Variants in TMEM132C observed in about 807,000 individuals in gnomAD.
The protein encoded by TMEM132C is protein phosphatase 1, regulatory subunit 152.
Under a neutral mutation model 61.4 loss-of-function variants are expected in TMEM132C, and 29 were observed. The ratio of observed to expected loss-of-function variants is 0.47; its 90% CI spans 0.35 to 0.64. The LOEUF (loss-of-function observed/expected upper bound fraction) is 0.64. TMEM132C is among the 30% of genes least tolerant of loss of function. The probability of loss-of-function intolerance (pLI) is 0.00; values close to 1 mark genes in which losing one functional copy is unlikely to be tolerated. For missense variants in TMEM132C, 1,408 were observed against 1,476.9 expected, an observed-to-expected ratio of 0.95 and a Z score of 0.76; for synonymous variants, 656 against 633.1, an observed-to-expected ratio of 1.04 and a Z score of -0.54.
At chr12:128,688,358 C>T (rs1389318257) in intron 5 of TMEM132C, among the ~76,000 whole-genome samples, 1 of 152,054 alleles carries the variant, frequency 6.6e-6, no homozygotes, top group Admixed American at 6.6e-5. Context: ...TGGCGAGCCT[C>T]GGTTTTCTCA....
chr12:128,594,259 C>A (rs1487692605), intron 3 of TMEM132C, among the ~76,000 whole-genome samples: 1 of 152,004 alleles, frequency 6.6e-6, no homozygotes, highest in Non-Finnish European at 1.5e-5. Context: ...CGTTATGAGT[C>A]CGTGACAGCT....
rs1175530522 is a variant in TMEM132C at position 128,696,075 on chromosome 12, G to A, written c.1901G>A (p.Gly634Glu). ...CTCCAGGACAGCCGGGTCCTGGTTG[G>A]GCGAGAGGTTGGGATGACGACCATC... Reference protein sequence around the residue: ...ATLQDSRVLVGREVGMTTIQV... With the variant: ...ATLQDSRVLVEREVGMTTIQV... Residue 634 changes from glycine to glutamate, a missense_variant, in exon 7 of 9, where the codon GGG becomes GAG. Transcript: ENST00000435159. 1 of 1,551,688 alleles carries A rather than the reference G, an allele frequency of 6.4e-7. No individual in the cohort carries two copies. The highest frequency in any genetic ancestry group is 8.7e-7 in the Non-Finnish European group (1 of 1,146,990).
At chr12:128,372,073 C>T (rs73159806) in intron 1 of TMEM132C, among the ~76,000 whole-genome samples, 4,244 of 152,300 alleles carry the variant, frequency 0.028, 108 homozygotes, top group African/African-American at 0.059. Context: ...GTGCCATCCT[C>T]AGTCCAGGCA....
At chr12:128,452,023 G>C (rs185942878) in intron 2 of TMEM132C, among the ~76,000 whole-genome samples, 13 of 152,178 alleles carry the variant, frequency 8.5e-5, no homozygotes, top group Non-Finnish European at 1.5e-4. Flanking sequence ...ATTTGAAAAA[G>C]AGAAGGAAGT....
intron 7 of TMEM132C, among the ~76,000 whole-genome samples, 156 bp downstream of exon 7, chr12:128,696,259 T>A (rs1361688932): frequency 6.6e-6 from 1 of 151,480 alleles, no homozygotes; most frequent in Non-Finnish European, 1.5e-5. Context: ...TGAGTCCAGC[T>A]CCTTCCAAAC....
intron 2 of TMEM132C, among the ~76,000 whole-genome samples, chr12:128,467,066 C>CA (rs1163981141): frequency 1.3e-5 from 2 of 152,242 alleles, no homozygotes; most frequent in South Asian, 4.2e-4. Context: ...GCTGGAAGGT[C>CA]AGGCAGGGAC....
intron 2 of TMEM132C, among the ~76,000 whole-genome samples, chr12:128,500,619 A>C (rs1163622419): frequency 1.3e-5 from 2 of 152,166 alleles, no homozygotes; most frequent in Admixed American, 1.3e-4. Flanking sequence ...TCATTAGGGA[A>C]ATACAGAGCA....
chr12:128,630,316 A>T lies in TMEM132C; in HGVS notation c.1305+13981A>T, dbSNP rs1389930858. Among the ~76,000 whole-genome samples, 1 of 152,160 alleles carries T rather than the reference A, an allele frequency of 6.6e-6. No individual in the cohort carries two copies. The highest frequency in any genetic ancestry group is 2.4e-5 in the African/African-American group (1 of 41,440). The stretch of plus-strand genomic sequence containing the variant: ...GGCAGGGGCTGGAGCTTCTGGCCAC[A>T]TCCCACACCACTTAAGCCAAATCAG... On this transcript the variant is annotated intron_variant, in intron 4 of 8. Transcript: ENST00000435159. The surrounding 1 kb of genome is among the most constrained non-coding windows in gnomAD (Gnocchi z 4.3).
chr12:128,605,022 A>AATGGATGG (rs3044836), intron 3 of TMEM132C, among the ~76,000 whole-genome samples: 76 of 149,496 alleles, frequency 5.1e-4, no homozygotes, highest in African/African-American at 1.7e-3. Flanking sequence ...ATAATAGATG[A>AATGGATGG]ATGGATGGAT....
At chr12:128,353,860 G>A (rs890246179) in intron 1 of TMEM132C, among the ~76,000 whole-genome samples, 4 of 152,196 alleles carry the variant, frequency 2.6e-5, no homozygotes, top group South Asian at 4.1e-4. Flanking sequence ...ACAAAGATGC[G>A]CTCTGTGAGT....
intron 1 of TMEM132C, among the ~76,000 whole-genome samples, chr12:128,380,262 G>C (rs968543923): frequency 6.6e-6 from 1 of 152,262 alleles, no homozygotes; most frequent in East Asian, 1.9e-4. Flanking sequence ...TTGAAGGAAT[G>C]AATAGTGTTG....
At chr12:128,466,313 A>G (rs1870735402) in intron 2 of TMEM132C, among the ~76,000 whole-genome samples, 2 of 152,142 alleles carry the variant, frequency 1.3e-5, no homozygotes, top group South Asian at 4.1e-4. Context: ...GGGAAGAAAT[A>G]CTGTAGCCAT....
At position 128,267,210 on chromosome 12, in the gene TMEM132C, G is replaced by GGAGCCGCCA. The variant is rs1350362021; in HGVS notation, c.-187_-179dup. On this transcript the variant is annotated 5_prime_UTR_variant, in exon 1 of 9. Transcript: ENST00000435159. ...CCGGAGCGCGAGCAGCGGCGGAGCC[G>GGAGCCGCCA]GAGCCGCCAGAGCCAGAGCCGGAGC... is the stretch of plus-strand genomic sequence containing the variant. Among the ~76,000 whole-genome samples, 2 of 147,100 alleles carry GGAGCCGCCA rather than the reference G, an allele frequency of 1.4e-5. No homozygotes were observed. The highest frequency in any genetic ancestry group is 3.0e-5 in the Non-Finnish European group (2 of 66,076).
chr12:128,649,197 G>A (rs374872914), intron 4 of TMEM132C, among the ~76,000 whole-genome samples: 12 of 152,312 alleles, frequency 7.9e-5, no homozygotes, highest in African/African-American at 2.9e-4. Flanking sequence ...ATTCCACACA[G>A]CCAAAGTGTA....
chr12:128,662,877 C>A (rs1166463022), intron 4 of TMEM132C, among the ~76,000 whole-genome samples: 1 of 152,124 alleles, frequency 6.6e-6, no homozygotes, highest in African/African-American at 2.4e-5. Flanking sequence ...AAATTTAAAC[C>A]CCCAAAGTTG....
At chr12:128,589,281 C>T (rs927695357) in intron 3 of TMEM132C, among the ~76,000 whole-genome samples, 1 of 152,194 alleles carries the variant, frequency 6.6e-6, no homozygotes, top group Non-Finnish European at 1.5e-5. Flanking sequence ...AGCTATCCAG[C>T]ATGCAGCCCT....
intron 3 of TMEM132C, among the ~76,000 whole-genome samples, chr12:128,552,924 A>AC (rs200605307): frequency 0.025 from 3,756 of 152,164 alleles, 167 homozygotes; most frequent in African/African-American, 0.086. Context: ...AAACAAACAA[A>AC]AAAAAAGCAT....
chr12:128,636,596 GTGTGTGTGTA>G (rs1294667647), intron 4 of TMEM132C, among the ~76,000 whole-genome samples: 4 of 150,898 alleles, frequency 2.7e-5, no homozygotes, highest in African/African-American at 9.8e-5. Flanking sequence ...GTGTGTGTGT[GTGTGTGTGTA>G]TTAAGAACAC....
chr12:128,446,623 A>G (rs932757547), intron 2 of TMEM132C, among the ~76,000 whole-genome samples: 1 of 152,200 alleles, frequency 6.6e-6, no homozygotes, highest in Admixed American at 6.5e-5. Flanking sequence ...TTGCACTTTA[A>G]GTAGATTAGC....
Sources: allele counts gnomAD v4.1 joint callset (sites outside exome capture counted in the v4.1 genomes callset), GRCh38; gene constraint gnomAD v4.1.1; non-coding constraint Gnocchi (gnomAD v3.1); transcripts MANE v1.5; gene names NCBI Gene and HGNC (gene_info 2026-07-23, HGNC 2026-07-21).